Variants in CPNE5 observed in about 807,000 individuals in gnomAD.
CPNE5 encodes the protein copine 5.
In CPNE5, 42 loss-of-function variants were observed where a neutral mutation model predicts 81.1. The ratio of observed to expected loss-of-function variants is 0.52; its 90% CI spans 0.40 to 0.67. CPNE5 has a LOEUF of 0.67. Ranked by LOEUF, CPNE5 falls within the 30% of genes least tolerant of loss-of-function variation. The pLI is 0.00. For missense variants in CPNE5, 612 were observed against 815.5 expected (o/e 0.75, Z 3.04); for synonymous variants, 313 against 321.5 (o/e 0.97, Z 0.28).
intron 1 of CPNE5, among the ~76,000 whole-genome samples, chr6:36,834,809 T>G (rs571156668): frequency 6.6e-6 from 1 of 152,152 alleles, no homozygotes; most frequent in African/African-American, 2.4e-5. Flanking sequence ...AATGGTTAAA[T>G]GGACTTCTTT....
intron 6 of CPNE5, 54 bp downstream of exon 6, chr6:36,798,101 GCCAGCCCCCA>G: frequency 7.6e-7 from 1 of 1,318,866 alleles, no homozygotes; most frequent in South Asian, 1.2e-5. Context: ...CCCATCCTGA[GCCAGCCCCCA>G]GCAGAATGGG....
At chr6:36,809,044 C>G (rs536515278) in intron 3 of CPNE5, among the ~76,000 whole-genome samples, 3 of 152,286 alleles carry the variant, frequency 2.0e-5, no homozygotes, top group Non-Finnish European at 2.9e-5. Context: ...TCTCTACTCC[C>G]TAGCGCAGTC....
rs1157588067 is a variant in CPNE5 at position 36,811,834 on chromosome 6, T to C, written c.183+10280A>G. On this transcript the variant is annotated intron_variant, in intron 3 of 20. Coordinates refer to ENST00000244751, the MANE Select transcript of CPNE5 (RefSeq NM_020939.2). Reference sequence around the variant, plus strand: ...AAAGCACACTTTGGGCTGGGCGCAGTGGCTCATGACTGTAATCCCAGCACT... The same window carrying C: ...AAAGCACACTTTGGGCTGGGCGCAGCGGCTCATGACTGTAATCCCAGCACT... Among the ~76,000 whole-genome samples the C allele has an allele frequency of 5.9e-5, 9 of 151,586 alleles. No homozygotes were observed. In the East Asian group the frequency reaches 1.7e-3, roughly 29 times the overall value.
intron 1 of CPNE5, among the ~76,000 whole-genome samples, chr6:36,827,919 A>G (rs181175110): frequency 1.5e-4 from 23 of 152,120 alleles, no homozygotes; most frequent in African/African-American, 4.6e-4. Flanking sequence ...CTGTCTGCAC[A>G]GCAGCCTGGA....
intron 3 of CPNE5, among the ~76,000 whole-genome samples, chr6:36,807,644 G>C (rs147859796): frequency 3.5e-4 from 53 of 151,808 alleles, no homozygotes; most frequent in African/African-American, 8.2e-4. Context: ...CACCTGAGAG[G>C]GTTTTCGTCC....
chr6:36,745,317 C>T, intron 17 of CPNE5, 71 bp downstream of exon 17: 2 of 1,542,426 alleles, frequency 1.3e-6, no homozygotes, highest in Non-Finnish European at 1.8e-6. Flanking sequence ...CCCCTCCCAC[C>T]ACCCAGAGGC....
Position 36,746,672 on chromosome 6 carries a change from C to G in CPNE5, c.1019-95G>C, listed in dbSNP as rs1562086907. The G allele has an allele frequency of 1.0e-5, 11 of 1,097,032 alleles. No individual in the cohort carries two copies. In the South Asian group the frequency reaches 1.5e-4, roughly 15 times the overall value. The allele number at this position is 1,097,032 out of a possible 1,614,324, so 68.0% of individuals were successfully genotyped here. On this transcript the variant is annotated intron_variant, in intron 15 of 20. Transcript: ENST00000244751. The surrounding 1 kb of genome is among the most constrained non-coding windows in gnomAD (Gnocchi z 4.5). The stretch of plus-strand genomic sequence containing the variant: ...AGGGGGTGTCCAAGGGCACCCCTAA[C>G]TTTTATTAATTCTTGACTCCTCTCT...
At chr6:36,784,866 G>C (rs952329047) in intron 8 of CPNE5, among the ~76,000 whole-genome samples, 4 of 151,354 alleles carry the variant, frequency 2.6e-5, no homozygotes, top group Admixed American at 1.3e-4. Context: ...TTGAGCCCAA[G>C]AGGTGGAGGT....
chr6:36,762,304 GCA>G (rs60481458), intron 12 of CPNE5, among the ~76,000 whole-genome samples: 7,175 of 146,258 alleles, frequency 0.049, 192 homozygotes, highest in Non-Finnish European at 0.062. Flanking sequence ...ACACATACAT[GCA>G]CACACACACA....
At chr6:36,768,022 G>A (rs1766713611) in intron 10 of CPNE5, among the ~76,000 whole-genome samples, 2 of 152,132 alleles carry the variant, frequency 1.3e-5, no homozygotes, top group Non-Finnish European at 2.9e-5. Flanking sequence ...AACCCAGGTT[G>A]AGACCACTGA....
intron 3 of CPNE5, among the ~76,000 whole-genome samples, chr6:36,821,592 T>C (rs1280394628): frequency 1.3e-5 from 2 of 151,928 alleles, no homozygotes; most frequent in African/African-American, 2.4e-5. Context: ...GGAAATGAGA[T>C]GAGGCTGGAA....
chr6:36,827,257 C>G (rs1041003990), intron 1 of CPNE5: 1 of 914,674 alleles, frequency 1.1e-6, no homozygotes, highest in African/African-American at 1.8e-5. Context: ...CTCGTCCACA[C>G]TTGCCTCCGT....
rs1769435947 is a variant in CPNE5 at position 36,794,924 on chromosome 6, C to T, written c.405-275G>A. On this transcript the variant is annotated intron_variant, in intron 6 of 20. Coordinates refer to ENST00000244751, the MANE Select transcript of CPNE5 (RefSeq NM_020939.2). ...TGTAAATTCCCAGGCCGAGCCCATA[C>T]CCACAGGATCAGGAACTCTGCGGGG... Among the ~76,000 whole-genome samples, 3 of 152,298 alleles carry T rather than the reference C, an allele frequency of 2.0e-5. No individual in the cohort carries two copies. The South Asian group carries it at 6.2e-4, about 32-fold the overall frequency.
rs1252037801 is a variant in CPNE5, at chr6:36,746,901, T to C, written c.1019-324A>G. 6.6e-6 allele frequency among the ~76,000 whole-genome samples: 1 copy of C among 151,838 alleles called. No homozygotes were observed. Among genetic ancestry groups the C allele is most frequent in the Non-Finnish European group, 1.5e-5 (1 of 67,958 alleles). On this transcript the variant is annotated intron_variant, in intron 15 of 20. Coordinates refer to ENST00000244751, the MANE Select transcript of CPNE5 (RefSeq NM_020939.2). The surrounding 1 kb of genome is among the most constrained non-coding windows in gnomAD (Gnocchi z 4.5). ...CTATCCGCCTCAGAGAGATCATGCC[T>C]CTCCTCTGCCCAAAACGCTCAATGC...
chr6:36,839,913 G>A (rs948063688), upstream of CPNE5: 6 of 151,494 alleles, frequency 4.0e-5, no homozygotes, highest in Non-Finnish European at 8.8e-5. This position sits in a 1 kb window ranked among gnomAD's most constrained non-coding sequence, Gnocchi z 7.3. Flanking sequence ...CGCCGGCGGC[G>A]ACGGGGCTGA....
At chr6:36,761,562 T>C (rs1040404479) in intron 12 of CPNE5, among the ~76,000 whole-genome samples, 1 of 152,202 alleles carries the variant, frequency 6.6e-6, no homozygotes, top group Non-Finnish European at 1.5e-5. Flanking sequence ...TCAACTTTGC[T>C]GGCTGAGTGG....
chr6:36,809,632 A>G (rs1471236124), intron 3 of CPNE5, among the ~76,000 whole-genome samples: 1 of 152,148 alleles, frequency 6.6e-6, no homozygotes, highest in Non-Finnish European at 1.5e-5. Context: ...CAAAAAAAAA[A>G]TCAAATTGAC....
chr6:36,797,095 C>T (rs1376151839), intron 6 of CPNE5, among the ~76,000 whole-genome samples: 1 of 152,186 alleles, frequency 6.6e-6, no homozygotes, highest in Non-Finnish European at 1.5e-5. Flanking sequence ...TTAGTAGAGA[C>T]AGGGTTGCAC....
chr6:36,743,683 C>T lies in CPNE5; in HGVS notation c.1563+6G>A, dbSNP rs749093764. ...TCCCATGGGGCAGGCAAGGCCTGGG[C>T]TTCACCTGGACGATGTCGCGTTCAG... On this transcript the variant is annotated splice_donor_region_variant and intron_variant, in intron 20 of 20. Transcript: ENST00000244751. 4 of 1,613,400 alleles carry T rather than the reference C, an allele frequency of 2.5e-6. No homozygotes were observed. Among genetic ancestry groups the T allele is most frequent in the Non-Finnish European group, 3.4e-6 (4 of 1,179,804 alleles).
Sources: gnomAD v4.1 joint callset for allele counts (sites outside exome capture counted in the v4.1 genomes callset) on GRCh38, gnomAD v4.1.1 for gene constraint, Gnocchi (gnomAD v3.1) non-coding constraint, MANE v1.5 for transcripts, NCBI Gene and HGNC (gene_info 2026-07-23, HGNC 2026-07-21) for gene names.